Variants in DOCK1 observed in about 807,000 individuals in gnomAD.
DOCK1 encodes the protein dedicator of cytokinesis 1, also known as dedicator of cytokinesis protein 1.
Under a neutral mutation model 262.7 loss-of-function variants are expected in DOCK1, and 138 were observed. The ratio of observed to expected loss-of-function variants is 0.53; its 90% CI spans 0.46 to 0.61. The LOEUF (loss-of-function observed/expected upper bound fraction) is 0.61, where lower values mean the gene tolerates loss of function less well. DOCK1 is among the 20% of genes least tolerant of loss of function. DOCK1 has a pLI of 0.00. For missense variants in DOCK1, 1,908 were observed against 2,370.7 expected (o/e 0.80, Z 4.05); for synonymous variants, 866 against 867.4 (o/e 1.00, Z 0.03).
chr10:127,028,127 C>G (rs1278917998), intron 16 of DOCK1, among the ~76,000 whole-genome samples: 1 of 152,046 alleles, frequency 6.6e-6, no homozygotes, highest in Non-Finnish European at 1.5e-5. Flanking sequence ...TGTCCTGTCC[C>G]AACAGTGCAT....
At chr10:127,442,998 G>T (rs531182586) in intron 49 of DOCK1, among the ~76,000 whole-genome samples, 8 of 152,306 alleles carry the variant, frequency 5.3e-5, no homozygotes, top group African/African-American at 1.9e-4. Flanking sequence ...TCCAACCCCA[G>T]AAACTCATTG....
intron 27 of DOCK1, among the ~76,000 whole-genome samples, chr10:127,141,029 C>A (rs2051190819): frequency 6.6e-6 from 1 of 152,136 alleles, no homozygotes; most frequent in African/African-American, 2.4e-5. Context: ...CTACCTGGGG[C>A]CACATCTTTG....
Position 127,437,287 on chromosome 10 carries a change from T to C in DOCK1, c.5061-1740T>C, listed in dbSNP as rs1202707763. ...CAGCAGATCCTACTGCACAGCCATA[T>C]TAGATGAGAGAAGCAAAGAATAGGT... On this transcript the variant is annotated intron_variant, in intron 48 of 51. Transcript: ENST00000623213. This position sits in a 1 kb window ranked among gnomAD's most constrained non-coding sequence, Gnocchi z 4.4. Among the ~76,000 whole-genome samples the C allele has an allele frequency of 6.6e-6, 1 of 152,168 alleles. No individual in the cohort carries two copies.
At chr10:127,157,791 T>C (rs74158626) in intron 27 of DOCK1, among the ~76,000 whole-genome samples, 1 of 152,222 alleles carries the variant, frequency 6.6e-6, no homozygotes, top group Non-Finnish European at 1.5e-5. Flanking sequence ...AAGTTTTGTT[T>C]GGGATCTTTC....
intron 20 of DOCK1, 26 bp downstream of exon 20, chr10:127,042,740 C>G: frequency 6.2e-7 from 1 of 1,608,614 alleles, no homozygotes; most frequent in Non-Finnish European, 8.5e-7. Flanking sequence ...TTCTCATATG[C>G]TTGGATAACA....
intron 1 of DOCK1, among the ~76,000 whole-genome samples, chr10:126,966,335 T>C (rs963486682): frequency 3.9e-5 from 6 of 152,260 alleles, no homozygotes; most frequent in African/African-American, 1.2e-4. Context: ...GTATCTTGGG[T>C]ATTATGAATA....
At chr10:127,187,569 C>G (rs78721641) in intron 27 of DOCK1, among the ~76,000 whole-genome samples, 22,233 of 151,976 alleles carry the variant, frequency 0.15, 1,913 homozygotes, top group African/African-American at 0.23. Context: ...AGAGCATATC[C>G]TGCCACGTAG....
intron 6 of DOCK1, among the ~76,000 whole-genome samples, chr10:126,994,274 C>T (rs967947027): frequency 6.6e-6 from 1 of 152,026 alleles, no homozygotes; most frequent in Admixed American, 6.6e-5. Flanking sequence ...TTTGAGGAAT[C>T]AGAGAGAATA....
At chr10:126,921,359 C>T (rs896921961) in intron 1 of DOCK1, among the ~76,000 whole-genome samples, 1 of 152,046 alleles carries the variant, frequency 6.6e-6, no homozygotes, top group Non-Finnish European at 1.5e-5. Context: ...TATTATTCAG[C>T]CATGAAAAGG....
chr10:127,394,859 C>T (rs1310508813), intron 38 of DOCK1, among the ~76,000 whole-genome samples: 5 of 152,126 alleles, frequency 3.3e-5, no homozygotes, highest in Non-Finnish European at 7.3e-5. Context: ...TCAGGGCTCT[C>T]ATATGAGCAG....
At chr10:126,911,036 A>G (rs1283025325) in intron 1 of DOCK1, among the ~76,000 whole-genome samples, 1 of 152,184 alleles carries the variant, frequency 6.6e-6, no homozygotes, top group African/African-American at 2.4e-5. Context: ...TGTGAACCTA[A>G]GTCTTCATTT....
Position 126,919,040 on chromosome 10 carries a change from C to T in DOCK1, c.46+13477C>T, listed in dbSNP as rs575230732. On this transcript the variant is annotated intron_variant, in intron 1 of 51. Coordinates refer to ENST00000623213, the MANE Select transcript of DOCK1 (RefSeq NM_001290223.2). ...TTGGCTGTCTAAAGATCATTAGGAG[C>T]TGGCTGTGTTTCATTCTCCTTCTGA... 2.7e-5 allele frequency among the ~76,000 whole-genome samples: 4 copies of T among 149,142 alleles called. No homozygotes were observed. In the East Asian group the frequency reaches 6.4e-4, roughly 24 times the overall value.
intron 27 of DOCK1, among the ~76,000 whole-genome samples, chr10:127,216,164 A>G (rs1325386330): frequency 6.6e-6 from 1 of 152,100 alleles, no homozygotes; most frequent in Admixed American, 6.5e-5. Flanking sequence ...TCTAGAGAGG[A>G]TGTAGTCTGC....
chr10:126,915,390 C>T (rs1564979843), intron 1 of DOCK1, among the ~76,000 whole-genome samples: 1 of 148,172 alleles, frequency 6.7e-6, no homozygotes, highest in Non-Finnish European at 1.5e-5. Flanking sequence ...AGCCCGAGAG[C>T]AGTGCTGCTT....
chr10:126,963,627 TCCCTTCCCTTCCC>T (rs2037420834), intron 1 of DOCK1, among the ~76,000 whole-genome samples: 1 of 42,120 alleles, frequency 2.4e-5, no homozygotes, highest in African/African-American at 1.0e-4. Context: ...TCCCTTCCCT[TCCCTTCCCTTCCC>T]TCCTTCCTTC....
rs370550023 is a variant in DOCK1, at chr10:127,203,509, A to G, written c.2848-44499A>G. Among the ~76,000 whole-genome samples the G allele has an allele frequency of 1.5e-4, 23 of 152,346 alleles. No individual in the cohort carries two copies. In the South Asian group the frequency reaches 3.9e-3, roughly 26 times the overall value. ...GTGATGTGATAACAAGCTATGAAAC[A>G]TTGGAAAGCAAGCATTTTATTCTTT... On this transcript the variant is annotated intron_variant, in intron 27 of 51. Coordinates refer to ENST00000623213, the MANE Select transcript of DOCK1 (RefSeq NM_001290223.2).
At chr10:127,387,136 T>C (rs1225344662) in intron 38 of DOCK1, among the ~76,000 whole-genome samples, 2 of 152,342 alleles carry the variant, frequency 1.3e-5, no homozygotes, top group East Asian at 3.9e-4. Context: ...TTGATGGCTG[T>C]TGCCGGGCTC....
chr10:127,022,247 G>C (rs757126409), intron 13 of DOCK1, among the ~76,000 whole-genome samples: 62 of 152,054 alleles, frequency 4.1e-4, no homozygotes, highest in Non-Finnish European at 7.6e-4. Flanking sequence ...TGCCAGAAGG[G>C]AAGAGCCATG....
chr10:127,305,765 A>T (rs1237884188), intron 29 of DOCK1, among the ~76,000 whole-genome samples: 1 of 152,230 alleles, frequency 6.6e-6, no homozygotes, highest in Non-Finnish European at 1.5e-5. Context: ...TTGCTGTGGC[A>T]TCTCCGCACA....
Sources: gnomAD v4.1 joint callset for allele counts (sites outside exome capture counted in the v4.1 genomes callset) on GRCh38, gnomAD v4.1.1 for gene constraint, Gnocchi (gnomAD v3.1) non-coding constraint, MANE v1.5 for transcripts, NCBI Gene and HGNC (gene_info 2026-07-23, HGNC 2026-07-21) for gene names.